Variants in RBBP8 observed in about 807,000 individuals in gnomAD.
The protein encoded by RBBP8 is RB binding protein 8, endonuclease.
Under a neutral mutation model 108.3 loss-of-function variants are expected in RBBP8, and 88 were observed. The ratio of observed to expected loss-of-function variants is 0.81; its 90% CI spans 0.68 to 0.97. RBBP8 has a LOEUF of 0.97. RBBP8 is among the 50% of genes least tolerant of loss of function. RBBP8 has a pLI of 0.00. For synonymous variants in RBBP8, 332 were observed against 348.2 expected (o/e 0.95, Z 0.52); for missense variants, 1,023 against 1,049.0 (o/e 0.98, Z 0.34).
At chr18:22,968,666 A>G (rs1292446639) in intron 4 of RBBP8, 140 bp from the exon 5 acceptor site, 2 of 670,898 alleles carry the variant, frequency 3.0e-6, no homozygotes, top group Non-Finnish European at 5.4e-6. Flanking sequence ...AGAATATGTT[A>G]AAGGTATAAT....
At chr18:22,963,476 G>A (rs971058824) in intron 4 of RBBP8, among the ~76,000 whole-genome samples, 1 of 151,880 alleles carries the variant, frequency 6.6e-6, no homozygotes, top group Non-Finnish European at 1.5e-5. Context: ...CAACCACAAC[G>A]TTCTATCATT....
upstream of RBBP8, among the ~76,000 whole-genome samples, chr18:22,932,035 T>C (rs74384266): frequency 0.049 from 7,450 of 152,212 alleles, 358 homozygotes; most frequent in African/African-American, 0.12. Flanking sequence ...TGGATTTACA[T>C]GTTTAGTAAG....
chr18:22,990,345 A>C (rs544007232), intron 9 of RBBP8, among the ~76,000 whole-genome samples: 1 of 152,328 alleles, frequency 6.6e-6, no homozygotes, highest in African/African-American at 2.4e-5. Flanking sequence ...ATTGAGAAGC[A>C]CTGTTCTCTA....
intron 17 of RBBP8, among the ~76,000 whole-genome samples, chr18:23,019,444 A>G (rs2046312241): frequency 6.6e-6 from 1 of 152,154 alleles, no homozygotes; most frequent in Admixed American, 6.5e-5. Flanking sequence ...AATACTAACC[A>G]TATGCTTACA....
At position 22,936,948 on chromosome 18, in the gene RBBP8, A is replaced by G; in HGVS notation, c.97A>G (p.Arg33Gly). ...GACAAAACTAAAAGAATGTCATGAT[A>G]GAGAAGTACAAGGTAAAATCTTTTC... is the stretch of plus-strand genomic sequence containing the variant. ...LWTKLKECHD[R>G]EVQGLQVKVT... is the part of the protein sequence containing the mutation. The change falls in exon 2 of 19, where the codon AGA (arginine) becomes GGA (glycine). Residue 33 changes from arginine (R) to glycine (G), a missense_variant. Coordinates refer to ENST00000327155, the MANE Select transcript of RBBP8 (RefSeq NM_002894.3). 6.2e-7 allele frequency: 1 copy of G among 1,614,108 alleles called. No homozygotes were observed.
intron 4 of RBBP8, among the ~76,000 whole-genome samples, chr18:22,953,509 A>T (rs945530582): frequency 1.3e-5 from 2 of 152,152 alleles, no homozygotes; most frequent in Non-Finnish European, 2.9e-5. Context: ...TTCATCCCCA[A>T]GATAGTATTC....
chr18:23,021,280 T>TGGTG (rs2046342453), intron 17 of RBBP8, among the ~76,000 whole-genome samples: 1 of 152,116 alleles, frequency 6.6e-6, no homozygotes, highest in Admixed American at 6.6e-5. Context: ...CTGAGTGTGG[T>TGGTG]GGTGCATGCC....
intron 2 of RBBP8, among the ~76,000 whole-genome samples, chr18:22,944,677 A>C (rs1282751217): frequency 6.6e-6 from 1 of 152,226 alleles, no homozygotes; most frequent in Non-Finnish European, 1.5e-5. Context: ...ATTATAGAGC[A>C]TAGAATCGAA....
intron 18 of RBBP8, among the ~76,000 whole-genome samples, 188 bp from the exon 19 acceptor site, chr18:23,025,955 G>T (rs1324235830): frequency 6.6e-6 from 1 of 152,140 alleles, no homozygotes; most frequent in Non-Finnish European, 1.5e-5. Context: ...GTAAATATTT[G>T]CTGTCATTAT....
chr18:23,003,227 C>T (rs1474771246), intron 15 of RBBP8, among the ~76,000 whole-genome samples: 1 of 152,194 alleles, frequency 6.6e-6, no homozygotes, highest in Non-Finnish European at 1.5e-5. Context: ...CCCAGTCTTG[C>T]ATTTCTGAGT....
chr18:22,920,030 T>C (rs1403680796), intron 3 of RBBP8, among the ~76,000 whole-genome samples: 1 of 152,086 alleles, frequency 6.6e-6, no homozygotes, highest in East Asian at 1.9e-4. Context: ...AATATGTTTT[T>C]AAAATGTTCT....
In RBBP8 at chr18:23,020,104, A is replaced by AT. The variant is rs542049374; in HGVS notation, c.2455-2010dup. 9.2e-3 allele frequency among the ~76,000 whole-genome samples: 1,271 copies of AT among 138,614 alleles called. 18 individuals carry two copies. The highest frequency in any genetic ancestry group is 0.028 in the African/African-American group (1,057 of 37,744). 90.9% of individuals were successfully genotyped at this position (138,614 alleles called of 152,430 possible). On this transcript the variant is annotated intron_variant, in intron 17 of 18. Transcript: ENST00000327155. ...ATAGCTTCTAAGTGCTCTCCTGGTC[A>AT]TTTTTTTTTTTTTTTACTCTAAAAC...
chr18:22,992,407 G>C (rs1915761677), intron 10 of RBBP8, among the ~76,000 whole-genome samples: 1 of 152,160 alleles, frequency 6.6e-6, no homozygotes, highest in African/African-American at 2.4e-5. Flanking sequence ...TGTTAGCCAG[G>C]CTGGCCTCGA....
intron 16 of RBBP8, among the ~76,000 whole-genome samples, chr18:23,012,998 GAAC>G (rs1307881090): frequency 6.6e-6 from 1 of 151,268 alleles, no homozygotes; most frequent in Non-Finnish European, 1.5e-5. Context: ...TTTAGAAATA[GAAC>G]AACAAAGCCT....
At chr18:23,017,045 C>A in intron 17 of RBBP8, 121 bp downstream of exon 17, 1 of 800,072 alleles carries the variant, frequency 1.2e-6, no homozygotes, top group Non-Finnish European at 2.1e-6. Flanking sequence ...TTGAGCCAGG[C>A]GTAACAGCAG....
At chr18:22,924,525 G>T (rs554810114) in intron 3 of RBBP8, among the ~76,000 whole-genome samples, 1 of 150,618 alleles carries the variant, frequency 6.6e-6, no homozygotes, top group East Asian at 2.0e-4. Flanking sequence ...AGGCTCAAGA[G>T]ATCTTCCCGC....
chr18:22,977,807 C>T (rs1459769596), intron 6 of RBBP8: 2 of 152,092 alleles, frequency 1.3e-5, no homozygotes, highest in South Asian at 2.1e-4. Context: ...TTAAGCAAGT[C>T]TCTTCTCCTG....
rs975127917 is a variant in RBBP8 at position 22,937,195 on chromosome 18, T to G, written c.109+235T>G. On this transcript the variant is annotated intron_variant, in intron 2 of 18. Transcript: ENST00000327155. The stretch of plus-strand genomic sequence containing the variant: ...ATAGGTAGTTTTTCAATCCCCACCC[T>G]CTTCCCACCCCCCTGACCCTCCACC... The G allele has an allele frequency of 1.2e-4, 78 of 664,750 alleles. No homozygotes were observed. The African/African-American group carries it at 1.3e-3, about 11-fold the overall frequency. The allele number at this position is 664,750 out of a possible 1,614,324, so 41.2% of individuals were successfully genotyped here.
chr18:22,923,931 T>C (rs1474381833), intron 3 of RBBP8, among the ~76,000 whole-genome samples: 1 of 152,046 alleles, frequency 6.6e-6, no homozygotes. Flanking sequence ...TAAAAAAGCA[T>C]ATGTGCCAAA....
Sources: gnomAD v4.1 joint callset for allele counts (sites outside exome capture counted in the v4.1 genomes callset) on GRCh38, gnomAD v4.1.1 for gene constraint, MANE v1.5 for transcripts, NCBI Gene and HGNC (gene_info 2026-07-23, HGNC 2026-07-21) for gene names.